PTPRN2: variants seen among roughly 807,000 people sequenced by gnomAD.
The protein encoded by PTPRN2 is receptor-type tyrosine-protein phosphatase N2.
A neutral mutation model predicts 118.8 loss-of-function variants in PTPRN2; 74 were observed. That is an observed-to-expected ratio of 0.62 (90% CI 0.52 to 0.76). PTPRN2 has a LOEUF of 0.76. PTPRN2 is among the 30% of genes least tolerant of loss of function. The pLI, the probability that PTPRN2 is intolerant of heterozygous loss-of-function variation, is 0.00. For synonymous variants in PTPRN2, 641 were observed against 608.0 expected, an observed-to-expected ratio of 1.05 and a Z score of -0.80; for missense variants, 1,481 against 1,394.4, an observed-to-expected ratio of 1.06 and a Z score of -0.99.
At chr7:158,441,838 A>G in intron 2 of PTPRN2, among the ~76,000 whole-genome samples, 1 of 134,570 alleles carries the variant, frequency 7.4e-6, no homozygotes, top group Admixed American at 7.2e-5. Flanking sequence ...TGGTCATGGC[A>G]GTGGTGGTGA....
intron 2 of PTPRN2, among the ~76,000 whole-genome samples, chr7:158,447,751 C>A (rs1180184800): frequency 3.3e-5 from 5 of 152,238 alleles, no homozygotes; most frequent in Non-Finnish European, 7.3e-5. Flanking sequence ...ACGAAGGCTG[C>A]CCCGTAGCCA....
chr7:157,763,352 C>T lies in PTPRN2; in HGVS notation c.1789-80415G>A, dbSNP rs980529279. 6.6e-6 allele frequency among the ~76,000 whole-genome samples: 1 copy of T among 152,216 alleles called. No individual in the cohort carries two copies. Among genetic ancestry groups the T allele is most frequent in the Non-Finnish European group, 1.5e-5 (1 of 68,040 alleles). ...AGCCCTGGTGATGACAGCACAGACT[C>T]CAGCTCTCCAGAGGCCCAAGACAGC... On this transcript the variant is annotated intron_variant, in intron 12 of 22. Coordinates refer to ENST00000389418, the MANE Select transcript of PTPRN2 (RefSeq NM_002847.5). This position sits in a 1 kb window ranked among gnomAD's most constrained non-coding sequence, Gnocchi z 4.9.
chr7:157,669,596 G>GC (rs1471879105), intron 13 of PTPRN2: 6 of 479,684 alleles, frequency 1.3e-5, no homozygotes, highest in Admixed American at 4.4e-5. Context: ...AGCCGAGTCA[G>GC]CCCACGATGA....
rs568605102 is a variant in PTPRN2, at chr7:157,690,310, C to A, written c.1789-7373G>T. Among the ~76,000 whole-genome samples the A allele has an allele frequency of 1.6e-3, 242 of 152,340 alleles. 3 individuals carry two copies. The highest frequency in any genetic ancestry group is 2.6e-4 in the Non-Finnish European group (18 of 68,030). Reference sequence around the variant, plus strand: ...GCCGGCCCAAGCCTTTGACAGGAGTCCTGCGGCGAGGCAGAGACCCCCTGA... The same window carrying A: ...GCCGGCCCAAGCCTTTGACAGGAGTACTGCGGCGAGGCAGAGACCCCCTGA... On this transcript the variant is annotated intron_variant, in intron 12 of 22. Transcript: ENST00000389418. The surrounding 1 kb of genome is among the most constrained non-coding windows in gnomAD (Gnocchi z 7.1).
chr7:158,208,604 G>C (rs1827342042), intron 3 of PTPRN2, among the ~76,000 whole-genome samples: 2 of 152,146 alleles, frequency 1.3e-5, no homozygotes, highest in South Asian at 2.1e-4. Flanking sequence ...ACAAACAAAA[G>C]CTGAAGGATT....
intron 11 of PTPRN2, among the ~76,000 whole-genome samples, chr7:157,965,683 T>A (rs1801876466): frequency 6.6e-6 from 1 of 152,114 alleles, no homozygotes; most frequent in Admixed American, 6.5e-5. Context: ...TCTTTTCTTA[T>A]CATCTTCTTT....
intron 3 of PTPRN2, among the ~76,000 whole-genome samples, chr7:158,251,833 G>A (rs1181905789): frequency 6.6e-6 from 1 of 152,100 alleles, no homozygotes; most frequent in Non-Finnish European, 1.5e-5. Context: ...CCTTAATAAA[G>A]CCCAGAGTAT....
At chr7:158,070,922 G>A (rs1480516789) in intron 11 of PTPRN2, among the ~76,000 whole-genome samples, 7 of 135,356 alleles carry the variant, frequency 5.2e-5, no homozygotes, top group Non-Finnish European at 1.1e-4. Flanking sequence ...CCATGGTGCT[G>A]GAGGTGCTCC....
intron 3 of PTPRN2, among the ~76,000 whole-genome samples, chr7:158,225,660 G>A (rs566501751): frequency 7.2e-5 from 11 of 152,160 alleles, no homozygotes; most frequent in Non-Finnish European, 1.6e-4. Flanking sequence ...AAAGTTATGA[G>A]CAAACTGCTA....
At chr7:158,584,953 G>A (rs1234193635) in intron 1 of PTPRN2, among the ~76,000 whole-genome samples, 1 of 152,176 alleles carries the variant, frequency 6.6e-6, no homozygotes, top group Non-Finnish European at 1.5e-5. Context: ...GCAAAAACTT[G>A]GATCTCCTTG....
Position 157,872,674 on chromosome 7 carries a change from G to A in PTPRN2, c.1788+25999C>T, listed in dbSNP as rs78405562. On this transcript the variant is annotated intron_variant, in intron 12 of 22. Transcript: ENST00000389418. ...TGAGAGGCGCTCTTGCGCCCAGGCC[G>A]CCTGTCCAACTGGGGCAGGCTCCAT... Among the ~76,000 whole-genome samples, 881 of 152,384 alleles carry A rather than the reference G, an allele frequency of 5.8e-3. 9 individuals carry two copies. Among genetic ancestry groups the A allele is most frequent in the African/African-American group, 0.019 (808 of 41,598 alleles).
chr7:158,504,082 A>G (rs1281441831), intron 1 of PTPRN2, among the ~76,000 whole-genome samples: 4 of 152,134 alleles, frequency 2.6e-5, no homozygotes, highest in Non-Finnish European at 5.9e-5. Context: ...AGAATAATAC[A>G]ATACCAGTTA....
At chr7:158,019,492 T>G (rs2128874874) in intron 11 of PTPRN2, among the ~76,000 whole-genome samples, 1 of 152,358 alleles carries the variant, frequency 6.6e-6, no homozygotes, top group South Asian at 2.1e-4. Flanking sequence ...CTGCACAGGA[T>G]GCCCACAAGG....
chr7:157,561,770 TC>T (rs1311456737), intron 21 of PTPRN2, among the ~76,000 whole-genome samples: 2 of 152,234 alleles, frequency 1.3e-5, no homozygotes, highest in Non-Finnish European at 2.9e-5. Context: ...TTGTCTGCTC[TC>T]CACCACCCTG....
At chr7:158,332,799 C>T (rs1255125912) in intron 2 of PTPRN2, among the ~76,000 whole-genome samples, 6 of 151,472 alleles carry the variant, frequency 4.0e-5, no homozygotes, top group South Asian at 2.1e-4. Flanking sequence ...CTGATGCCTG[C>T]AGACGTCACT....
chr7:158,110,728 G>A (rs1383939105), intron 10 of PTPRN2, 101 bp downstream of exon 10: 2 of 1,108,368 alleles, frequency 1.8e-6, no homozygotes, highest in Non-Finnish European at 2.6e-6. Flanking sequence ...GTTCCCTCAT[G>A]TAATTAACAA....
chr7:158,059,319 C>T (rs1269015271), intron 11 of PTPRN2, among the ~76,000 whole-genome samples: 2 of 137,856 alleles, frequency 1.5e-5, no homozygotes, highest in Admixed American at 1.4e-4. Context: ...TCCATCTGCA[C>T]ACAGTGACGC....
intron 12 of PTPRN2, among the ~76,000 whole-genome samples, chr7:157,738,211 C>T (rs117062117): frequency 1.3e-5 from 2 of 152,164 alleles, no homozygotes; most frequent in Non-Finnish European, 2.9e-5. Context: ...TCCACGTGAC[C>T]CAGGGGGACG....
At chr7:158,156,446 A>G (rs979082210) in intron 6 of PTPRN2, among the ~76,000 whole-genome samples, 1 of 152,192 alleles carries the variant, frequency 6.6e-6, no homozygotes, top group Non-Finnish European at 1.5e-5. Flanking sequence ...AGACCAGAAG[A>G]GAAAATGTTT....
Sources: gnomAD v4.1 joint callset for allele counts (sites outside exome capture counted in the v4.1 genomes callset) on GRCh38, gnomAD v4.1.1 for gene constraint, Gnocchi (gnomAD v3.1) non-coding constraint, MANE v1.5 for transcripts, NCBI Gene and HGNC (gene_info 2026-07-23, HGNC 2026-07-21) for gene names.